FUT8: variants seen among roughly 807,000 people sequenced by gnomAD.
FUT8 encodes the protein fucosyltransferase 8, also known as alpha-(1,6)-fucosyltransferase.
A neutral mutation model predicts 71.3 loss-of-function variants in FUT8; 29 were observed. The observed-to-expected ratio is 0.41, with a 90% CI of 0.30 to 0.55. The LOEUF (loss-of-function observed/expected upper bound fraction) is 0.55, where lower values mean the gene tolerates loss of function less well. Among genes scored for constraint, FUT8 ranks in the 20% least tolerant of loss-of-function variants. FUT8 has a pLI of 0.34. For missense variants in FUT8, 544 were observed against 702.1 expected (o/e 0.77, Z 2.55); for synonymous variants, 254 against 239.3 (o/e 1.06, Z -0.57).
chr14:65,641,166 C>T (rs1239910782), intron 6 of FUT8, among the ~76,000 whole-genome samples: 1 of 152,130 alleles, frequency 6.6e-6, no homozygotes, highest in Non-Finnish European at 1.5e-5. Flanking sequence ...GTTTGTGTTT[C>T]CTCCACCACT....
Position 65,724,145 on chromosome 14 carries a change from A to G in FUT8, c.1083-2A>G. Reference sequence around the variant, plus strand: ...CCAGTAGAATCTGAATTTCTCCCCCAGAGTCCATGTCAGACGCACAGACAA... The same window carrying G: ...CCAGTAGAATCTGAATTTCTCCCCCGGAGTCCATGTCAGACGCACAGACAA... On this transcript the variant is annotated splice_acceptor_variant, in intron 8 of 10. Transcript: ENST00000673929. LOFTEE classifies it high-confidence loss of function. The G allele has an allele frequency of 6.4e-7, 1 of 1,571,750 alleles. No homozygotes were observed. Among genetic ancestry groups the G allele is most frequent in the African/African-American group, 1.4e-5 (1 of 73,492 alleles).
At chr14:65,659,785 TCTCA>T (rs1442475496) in intron 6 of FUT8, among the ~76,000 whole-genome samples, 1 of 152,072 alleles carries the variant, frequency 6.6e-6, no homozygotes, top group Non-Finnish European at 1.5e-5. Flanking sequence ...TCTTTTCTCT[TCTCA>T]CTCCCTTTTT....
intron 3 of FUT8, among the ~76,000 whole-genome samples, chr14:65,615,164 A>G (rs144651997): frequency 1.7e-3 from 261 of 152,336 alleles, no homozygotes; most frequent in African/African-American, 5.5e-3. Flanking sequence ...TGACATGATC[A>G]TAGTTCATTG....
intron 7 of FUT8, among the ~76,000 whole-genome samples, chr14:65,692,279 G>A (rs1167800167): frequency 4.0e-5 from 6 of 150,854 alleles, no homozygotes; most frequent in African/African-American, 7.3e-5. Flanking sequence ...CGGGCAGAGG[G>A]GCTCCTCACT....
intron 1 of FUT8, among the ~76,000 whole-genome samples, chr14:65,443,597 G>T (rs2065694430): frequency 6.6e-6 from 1 of 151,838 alleles, no homozygotes; most frequent in Non-Finnish European, 1.5e-5. Context: ...GTGTGCGCTT[G>T]TGGTCCCAGC....
At chr14:65,587,203 CAAAAA>C (rs1052249531) in intron 3 of FUT8, among the ~76,000 whole-genome samples, 1 of 145,890 alleles carries the variant, frequency 6.9e-6, no homozygotes, top group Non-Finnish European at 1.5e-5. Flanking sequence ...AAAAAAAAAA[CAAAAA>C]AAACTAATTT....
In FUT8 at chr14:65,489,288, C is replaced by G. The variant is rs1012358165; in HGVS notation, c.-228+33570C>G. ...TAACCTCATTCTCCTCCACCTGTAACAATGGTGAATATGAAGCAAGTGTTC... is the reference window on the plus strand; with the variant it reads ...TAACCTCATTCTCCTCCACCTGTAAGAATGGTGAATATGAAGCAAGTGTTC... On this transcript the variant is annotated intron_variant, in intron 2 of 10. Coordinates refer to ENST00000673929, the MANE Select transcript of FUT8 (RefSeq NM_001371533.1). The surrounding 1 kb of genome is among the most constrained non-coding windows in gnomAD (Gnocchi z 4.0). Among the ~76,000 whole-genome samples, 1 of 152,080 alleles carries G rather than the reference C, an allele frequency of 6.6e-6. No individual in the cohort carries two copies. Among genetic ancestry groups the G allele is most frequent in the African/African-American group, 2.4e-5 (1 of 41,442 alleles).
the FUT8 span, among the ~76,000 whole-genome samples, chr14:65,401,462 C>T: frequency 4.6e-5 from 7 of 152,120 alleles, no homozygotes; most frequent in African/African-American, 1.4e-4. Flanking sequence ...AAGAGATATG[C>T]GGGCCTAACA....
At chr14:65,382,446 C>T in the FUT8 span, among the ~76,000 whole-genome samples, 1 of 152,146 alleles carries the variant, frequency 6.6e-6, no homozygotes, top group African/African-American at 2.4e-5. Flanking sequence ...AAGTGATTCT[C>T]ATGCCTCAGC....
At chr14:65,708,568 A>C (rs542223088) in intron 7 of FUT8, among the ~76,000 whole-genome samples, 118 of 152,210 alleles carry the variant, frequency 7.8e-4, no homozygotes, top group African/African-American at 2.6e-3. Flanking sequence ...TCCTTGGTTA[A>C]ATTTCCTCCT....
At chr14:65,590,168 T>C (rs1243479607) in intron 3 of FUT8, among the ~76,000 whole-genome samples, 1 of 152,212 alleles carries the variant, frequency 6.6e-6, no homozygotes, top group East Asian at 1.9e-4. Context: ...ACATTTTTTT[T>C]CTTCATAACC....
chr14:65,557,396 G>T (rs1442046745), intron 2 of FUT8, among the ~76,000 whole-genome samples: 3 of 148,930 alleles, frequency 2.0e-5, no homozygotes, highest in African/African-American at 7.4e-5. Context: ...GTGGTGTTGT[G>T]ATCTCGGCTC....
In FUT8 at chr14:65,467,353, A is replaced by G. The variant is rs10150722; in HGVS notation, c.-228+11635A>G. On this transcript the variant is annotated intron_variant, in intron 2 of 10. Transcript: ENST00000673929. This position sits in a 1 kb window ranked among gnomAD's most constrained non-coding sequence, Gnocchi z 4.1. ...CATTCTGTTACTCAGGCTGGAGTGC[A>G]GTGGCACGATCTTGGCTCACTGCAA... is the stretch of plus-strand genomic sequence containing the variant. Among the ~76,000 whole-genome samples the G allele has an allele frequency of 9.8e-3, 1,490 of 152,260 alleles. 24 individuals are homozygous for G. Among genetic ancestry groups the G allele is most frequent in the African/African-American group, 0.034 (1,430 of 41,534 alleles).
intron 1 of FUT8, among the ~76,000 whole-genome samples, chr14:65,422,523 G>A (rs1679768299): frequency 6.6e-6 from 1 of 151,670 alleles, no homozygotes; most frequent in Admixed American, 6.6e-5. Context: ...TAAGAGATAG[G>A]GTCTTGCTCA....
chr14:65,433,035 C>A (rs886576750), intron 1 of FUT8, among the ~76,000 whole-genome samples: 1 of 152,072 alleles, frequency 6.6e-6, no homozygotes, highest in Non-Finnish European at 1.5e-5. Flanking sequence ...GGATTAGGAC[C>A]CCTTTCCTGT....
chr14:65,633,789 A>G (rs1413776300), intron 6 of FUT8, among the ~76,000 whole-genome samples: 1 of 150,576 alleles, frequency 6.6e-6, no homozygotes, highest in Non-Finnish European at 1.5e-5. Flanking sequence ...CCCGGCAGCC[A>G]CCCCGTCTGA....
At chr14:65,502,018 C>T (rs2066653406) in intron 2 of FUT8, among the ~76,000 whole-genome samples, 1 of 151,780 alleles carries the variant, frequency 6.6e-6, no homozygotes, top group African/African-American at 2.4e-5. Flanking sequence ...TCAAGCAGTC[C>T]TCTCACCTCA....
chr14:65,476,741 C>G (rs989339470), intron 2 of FUT8, among the ~76,000 whole-genome samples: 5 of 145,058 alleles, frequency 3.4e-5, no homozygotes, highest in African/African-American at 1.3e-4. Flanking sequence ...ACTGCAATCT[C>G]TAAACTTCTG....
intron 9 of FUT8, among the ~76,000 whole-genome samples, chr14:65,725,098 T>C (rs1895612475): frequency 6.6e-6 from 1 of 152,226 alleles, no homozygotes; most frequent in Non-Finnish European, 1.5e-5. Context: ...TGAACACATA[T>C]GTAGAGTTTT....
Sources: allele counts gnomAD v4.1 joint callset (sites outside exome capture counted in the v4.1 genomes callset), GRCh38; gene constraint gnomAD v4.1.1; non-coding constraint Gnocchi (gnomAD v3.1); transcripts MANE v1.5; gene names NCBI Gene and HGNC (gene_info 2026-07-23, HGNC 2026-07-21).